INPP4B: variants seen among roughly 807,000 people sequenced by gnomAD.
INPP4B encodes inositol polyphosphate-4-phosphatase type II B.
Under a neutral mutation model 122.5 loss-of-function variants are expected in INPP4B, and 55 were observed. That is an observed-to-expected ratio of 0.45 (90% CI 0.36 to 0.56). INPP4B has a LOEUF of 0.56. INPP4B is among the 20% of genes least tolerant of loss of function. INPP4B has a pLI of 0.00. For synonymous variants in INPP4B, 403 were observed against 388.7 expected, an observed-to-expected ratio of 1.04 and a Z score of -0.43; for missense variants, 1,000 against 1,097.7, an observed-to-expected ratio of 0.91 and a Z score of 1.26.
chr4:142,778,145 T>TA (rs1255929927), intron 1 of INPP4B, among the ~76,000 whole-genome samples: 1 of 152,194 alleles, frequency 6.6e-6, no homozygotes, highest in African/African-American at 2.4e-5. Context: ...CAACATGCTG[T>TA]AAGCTTCAGT....
intron 17 of INPP4B, among the ~76,000 whole-genome samples, chr4:142,149,717 G>A (rs756818430): frequency 7.9e-5 from 12 of 152,282 alleles, no homozygotes; most frequent in Middle Eastern, 3.4e-3. Flanking sequence ...GGCTGGTCCC[G>A]TCCCATGGAC....
chr4:142,664,011 A>G (rs1468120863), intron 2 of INPP4B, among the ~76,000 whole-genome samples: 1 of 152,194 alleles, frequency 6.6e-6, no homozygotes, highest in Non-Finnish European at 1.5e-5. Context: ...GGTTATCTGC[A>G]TTCTTTGAGG....
intron 7 of INPP4B, among the ~76,000 whole-genome samples, chr4:142,359,485 G>A (rs1036756089): frequency 1.3e-5 from 2 of 151,736 alleles, no homozygotes; most frequent in African/African-American, 2.4e-5. Context: ...TTCTTCCCTC[G>A]TTCAAGTATT....
intron 5 of INPP4B, among the ~76,000 whole-genome samples, chr4:142,416,964 G>C (rs981306558): frequency 6.6e-6 from 1 of 152,176 alleles, no homozygotes; most frequent in African/African-American, 2.4e-5. Context: ...CTGGAAAGCA[G>C]AGGGTCTAAT....
At chr4:142,490,232 G>C (rs1038427637) in intron 2 of INPP4B, among the ~76,000 whole-genome samples, 1 of 151,746 alleles carries the variant, frequency 6.6e-6, no homozygotes, top group African/African-American at 2.4e-5. Flanking sequence ...CCACAAATGC[G>C]TGCCACTACC....
chr4:142,517,570 C>T lies in INPP4B; in HGVS notation c.-190-54844G>A, dbSNP rs77923137. ...AATCAAATTAGCCATTCATCAGAAA[C>T]AGTGCATCTTATGAATATGTCTTAG... is the stretch of plus-strand genomic sequence containing the variant. On this transcript the variant is annotated intron_variant, in intron 2 of 25. Transcript: ENST00000262992. Among the ~76,000 whole-genome samples the T allele has an allele frequency of 7.3e-3, 1,107 of 152,000 alleles. 15 individuals carry two copies. Among genetic ancestry groups the T allele is most frequent in the African/African-American group, 0.025 (1,046 of 41,438 alleles).
chr4:142,037,337 G>C (rs1001359078), intron 25 of INPP4B, among the ~76,000 whole-genome samples: 1 of 151,918 alleles, frequency 6.6e-6, no homozygotes, highest in African/African-American at 2.4e-5. Context: ...TTTCTTTTCT[G>C]CAAGTATCTA....
At chr4:142,479,786 A>C (rs1363573551) in intron 2 of INPP4B, among the ~76,000 whole-genome samples, 3 of 152,142 alleles carry the variant, frequency 2.0e-5, no homozygotes, top group Admixed American at 6.6e-5. Flanking sequence ...AAAGAAGGGA[A>C]TAGATACTGG....
intron 2 of INPP4B, among the ~76,000 whole-genome samples, chr4:142,491,808 G>T (rs1351349372): frequency 6.6e-6 from 1 of 152,204 alleles, no homozygotes; most frequent in Non-Finnish European, 1.5e-5. Context: ...TTCACATTAG[G>T]ATGGCTATTG....
At chr4:142,598,585 A>G (rs7675305) in intron 2 of INPP4B, among the ~76,000 whole-genome samples, 118,799 of 152,056 alleles carry the variant, frequency 0.78, 47,314 homozygotes, top group Non-Finnish European at 0.85. Context: ...AGCCCACAGG[A>G]AGTACTATTC....
In INPP4B at chr4:142,767,633, G is replaced by A. The variant is rs1028722212; in HGVS notation, c.-253-41732C>T. The A allele has an allele frequency of 1.3e-4, 20 of 152,102 alleles. No individual in the cohort carries two copies. The East Asian group carries it at 2.3e-3, about 18-fold the overall frequency. 9.4% of individuals were successfully genotyped at this position (152,102 alleles called of 1,614,324 possible). ...CAAAATAGAACATGACAAGATCTTG[G>A]ATGCAGGTATTTGGCTTGGGAGAAT... On this transcript the variant is annotated intron_variant, in intron 1 of 25. Transcript: ENST00000262992.
At chr4:142,562,531 C>T (rs546106286) in intron 2 of INPP4B, among the ~76,000 whole-genome samples, 1 of 152,224 alleles carries the variant, frequency 6.6e-6, no homozygotes, top group East Asian at 1.9e-4. Context: ...GGATGCCAAG[C>T]TTCAAGGAGA....
chr4:142,784,994 T>C (rs1561066574), intron 1 of INPP4B, among the ~76,000 whole-genome samples: 1 of 152,090 alleles, frequency 6.6e-6, no homozygotes. Context: ...CATAACATTA[T>C]AGAATACACT....
chr4:142,626,306 C>G (rs1342926592), intron 2 of INPP4B, among the ~76,000 whole-genome samples: 2 of 152,020 alleles, frequency 1.3e-5, no homozygotes, highest in Non-Finnish European at 2.9e-5. Context: ...GGAAAATTAC[C>G]TGGATTGGCC....
intron 25 of INPP4B, among the ~76,000 whole-genome samples, chr4:142,043,294 T>G (rs1478361257): frequency 6.6e-6 from 1 of 152,214 alleles, no homozygotes; most frequent in Non-Finnish European, 1.5e-5. Flanking sequence ...GGTTTAGTTT[T>G]GGAATAACAT....
At chr4:142,537,429 T>TATATAGAGAGAGAGAG (rs1200701380) in intron 2 of INPP4B, among the ~76,000 whole-genome samples, 13 of 25,472 alleles carry the variant, frequency 5.1e-4, no homozygotes, top group Non-Finnish European at 1.1e-3. Context: ...TATATATATA[T>TATATAGAGAGAGAGAG]AGAGAGAGAG....
rs1034471179 is a variant in INPP4B, at chr4:142,278,721, A to G, written c.504-7947T>C. Among the ~76,000 whole-genome samples the G allele has an allele frequency of 2.0e-5, 3 of 151,952 alleles. No individual in the cohort carries two copies. In the East Asian group the frequency reaches 5.8e-4, roughly 29 times the overall value. On this transcript the variant is annotated intron_variant, in intron 9 of 25. Coordinates refer to ENST00000262992, the MANE Select transcript of INPP4B (RefSeq NM_001101669.3). ...GGATCAAAAAGGGAAGCCACAGGAA[A>G]CAGGAAGTATGGAGGAGATTGTGGA...
chr4:142,129,975 G>A (rs536362255), intron 18 of INPP4B, among the ~76,000 whole-genome samples: 104 of 152,230 alleles, frequency 6.8e-4, no homozygotes, highest in African/African-American at 2.4e-3. Flanking sequence ...AAATTGAGAA[G>A]GAAAGGTAAG....
chr4:142,784,590 A>T, intron 1 of INPP4B, among the ~76,000 whole-genome samples: 1 of 151,992 alleles, frequency 6.6e-6, no homozygotes, highest in Non-Finnish European at 1.5e-5. Flanking sequence ...AATTTTGATG[A>T]ATTGCTGGAG....
Sources: gnomAD v4.1 joint callset for allele counts (sites outside exome capture counted in the v4.1 genomes callset) on GRCh38, gnomAD v4.1.1 for gene constraint, MANE v1.5 for transcripts, NCBI Gene and HGNC (gene_info 2026-07-23, HGNC 2026-07-21) for gene names.